Variants in WDR7 observed in about 807,000 individuals in gnomAD.
WDR7 encodes the protein WD repeat domain 7.
WDR7 carries 46 observed loss-of-function variants against 169.4 expected under a neutral mutation model. The ratio of observed to expected loss-of-function variants is 0.27; its 90% confidence interval spans 0.21 to 0.35. The LOEUF (loss-of-function observed/expected upper bound fraction) is 0.35, where lower values mean the gene tolerates loss of function less well. Among genes scored for constraint, WDR7 ranks in the 10% least tolerant of loss-of-function variants. WDR7 has a pLI of 1.00. For synonymous variants in WDR7, 612 were observed against 666.8 expected, an observed-to-expected ratio of 0.92 and a Z score of 1.27; for missense variants, 1,534 against 1,859.3, an observed-to-expected ratio of 0.83 and a Z score of 3.22.
chr18:56,870,108 A>T (rs932644262), intron 20 of WDR7, among the ~76,000 whole-genome samples: 4 of 152,142 alleles, frequency 2.6e-5, no homozygotes, highest in African/African-American at 7.2e-5. Flanking sequence ...GACTTCAAAG[A>T]CTTGGGGTAC....
intron 26 of WDR7, among the ~76,000 whole-genome samples, chr18:56,985,856 T>G (rs1488688775): frequency 2.0e-5 from 3 of 152,110 alleles, no homozygotes. Context: ...GTGAATAAAA[T>G]GTACATGTTT....
intron 19 of WDR7, among the ~76,000 whole-genome samples, chr18:56,807,013 C>G (rs1219724501): frequency 6.6e-6 from 1 of 152,062 alleles, no homozygotes; most frequent in African/African-American, 2.4e-5. Flanking sequence ...ACTTCAGCAG[C>G]CTTCATCAGT....
At chr18:56,894,890 A>G (rs533960681) in intron 21 of WDR7, among the ~76,000 whole-genome samples, 42 of 152,258 alleles carry the variant, frequency 2.8e-4, no homozygotes, top group African/African-American at 1.0e-3. Context: ...TAAAAAGTAT[A>G]CAAGTAGTCA....
chr18:56,966,374 C>T (rs2047409706), intron 26 of WDR7, among the ~76,000 whole-genome samples: 1 of 152,084 alleles, frequency 6.6e-6, no homozygotes, highest in Non-Finnish European at 1.5e-5. Flanking sequence ...TCTTCTTCAT[C>T]CTCCTCCTCT....
intron 21 of WDR7, among the ~76,000 whole-genome samples, chr18:56,882,038 T>G (rs1460983364): frequency 6.6e-6 from 1 of 152,234 alleles, no homozygotes; most frequent in Non-Finnish European, 1.5e-5. Context: ...ACCGTTTCCC[T>G]TCTCCACCTG....
chr18:56,758,079 A>C (rs1314087231), intron 15 of WDR7, among the ~76,000 whole-genome samples: 1 of 152,192 alleles, frequency 6.6e-6, no homozygotes, highest in Admixed American at 6.5e-5. Flanking sequence ...TATAGTCAGA[A>C]TTTTTCAATA....
intron 20 of WDR7, among the ~76,000 whole-genome samples, chr18:56,819,236 T>C (rs2045038469): frequency 6.6e-6 from 1 of 152,192 alleles, no homozygotes; most frequent in Non-Finnish European, 1.5e-5. Flanking sequence ...AAGTGTTGGC[T>C]ATGATCAATT....
At chr18:56,768,551 C>T (rs1478806151) in intron 16 of WDR7, among the ~76,000 whole-genome samples, 2 of 151,968 alleles carry the variant, frequency 1.3e-5, no homozygotes, top group East Asian at 1.9e-4. Context: ...TGTGTCTAGT[C>T]GGTAACATGA....
chr18:56,900,111 A>ATATATATATATATATATATAT (rs1555707547), intron 21 of WDR7, among the ~76,000 whole-genome samples: 21 of 137,726 alleles, frequency 1.5e-4, no homozygotes, highest in East Asian at 2.0e-4. Context: ...TATATATATA[A>ATATATATATATATATATATAT]AATTGTTAAT....
chr18:56,726,008 T>G (rs9748456), intron 13 of WDR7, among the ~76,000 whole-genome samples: 139,813 of 152,134 alleles, frequency 0.92, 65,388 homozygotes, highest in East Asian at 1. Context: ...TGTTCCATTG[T>G]TCTGTATGTC....
At chr18:56,836,763 C>T (rs1472882730) in intron 20 of WDR7, among the ~76,000 whole-genome samples, 1 of 152,140 alleles carries the variant, frequency 6.6e-6, no homozygotes, top group Admixed American at 6.5e-5. Flanking sequence ...TCAACTAAAA[C>T]TTCTAAAAAG....
chr18:56,938,808 A>AGTGT (rs71171007), intron 24 of WDR7, 126 bp downstream of exon 24: 100,536 of 644,002 alleles, frequency 0.16, 3,824 homozygotes, highest in African/African-American at 0.22. Context: ...AGAAAGAATG[A>AGTGT]GTGTGTGTGT....
intron 26 of WDR7, among the ~76,000 whole-genome samples, chr18:57,012,938 AT>A (rs1248334962): frequency 6.6e-6 from 1 of 152,192 alleles, no homozygotes; most frequent in African/African-American, 2.4e-5. Context: ...TAAAAAGTTT[AT>A]GTAAAAGTGT....
chr18:56,719,953 G>A (rs1296670141), intron 13 of WDR7, among the ~76,000 whole-genome samples: 1 of 152,132 alleles, frequency 6.6e-6, no homozygotes, highest in African/African-American at 2.4e-5. Context: ...GTGTGCAATT[G>A]TAAGCTTGTG....
intron 1 of WDR7, among the ~76,000 whole-genome samples, chr18:56,655,618 CAAAAAAAA>C (rs56899358): frequency 1.5e-3 from 195 of 133,798 alleles, no homozygotes; most frequent in East Asian, 0.013. Context: ...GACCCTGTCT[CAAAAAAAA>C]AAAAAAAAAA....
intron 2 of WDR7, among the ~76,000 whole-genome samples, chr18:56,679,060 T>G (rs1427920604): frequency 6.6e-6 from 1 of 152,196 alleles, no homozygotes; most frequent in Non-Finnish European, 1.5e-5. Flanking sequence ...TAAGGCCTGT[T>G]GTAACCACTC....
intron 13 of WDR7, among the ~76,000 whole-genome samples, chr18:56,729,327 T>G (rs1381580473): frequency 6.6e-6 from 1 of 152,186 alleles, no homozygotes; most frequent in Non-Finnish European, 1.5e-5. Context: ...ATGATATACA[T>G]TTGTAAAAAA....
At chr18:56,850,175 C>G (rs866295944) in intron 20 of WDR7, among the ~76,000 whole-genome samples, 1 of 152,160 alleles carries the variant, frequency 6.6e-6, no homozygotes, top group Admixed American at 6.5e-5. Flanking sequence ...CTAAAGTACC[C>G]CTTCCCCTTC....
At chr18:56,717,316 T>G (rs2026215192) in intron 12 of WDR7, among the ~76,000 whole-genome samples, 1 of 152,186 alleles carries the variant, frequency 6.6e-6, no homozygotes, top group Admixed American at 6.5e-5. Context: ...AAAAAGGAGT[T>G]GAAGGGCAAA....
Sources: allele counts gnomAD v4.1 joint callset (sites outside exome capture counted in the v4.1 genomes callset), GRCh38; gene constraint gnomAD v4.1.1; transcripts MANE v1.5; gene names NCBI Gene and HGNC (gene_info 2026-07-23, HGNC 2026-07-21).